Variants in PTPRG observed in about 807,000 individuals in gnomAD.
PTPRG encodes receptor-type tyrosine-protein phosphatase gamma.
Under a neutral mutation model 165.3 loss-of-function variants are expected in PTPRG, and 102 were observed. The observed-to-expected ratio is 0.62, with a 90% CI of 0.53 to 0.73. The LOEUF is 0.73. PTPRG is among the 30% of genes least tolerant of loss of function. The pLI is 0.00. For missense variants in PTPRG, 1,866 were observed against 1,861.4 expected (o/e 1.00, Z -0.05); for synonymous variants, 675 against 669.5 (o/e 1.01, Z -0.13).
chr3:61,962,039 C>G (rs886777197), intron 2 of PTPRG, among the ~76,000 whole-genome samples: 9 of 152,092 alleles, frequency 5.9e-5, no homozygotes, highest in African/African-American at 2.2e-4. Flanking sequence ...ATTTTTTTGT[C>G]TAGGGACTGC....
At position 62,228,489 on chromosome 3, in the gene PTPRG, G is replaced by T. The variant is rs1170249018; in HGVS notation, c.2289-2736G>T. ...AGATCACGCCATTGCACTCCAGCCTGGGCAACAGAGCAAAACTCCATCTCA... is the reference window on the plus strand; with the variant it reads ...AGATCACGCCATTGCACTCCAGCCTTGGCAACAGAGCAAAACTCCATCTCA... On this transcript the variant is annotated intron_variant, in intron 13 of 29. Transcript: ENST00000474889. This position sits in a 1 kb window ranked among gnomAD's most constrained non-coding sequence, Gnocchi z 4.1. Among the ~76,000 whole-genome samples, 3 of 150,956 alleles carry T rather than the reference G, an allele frequency of 2.0e-5. No homozygotes were observed. Among genetic ancestry groups the T allele is most frequent in the Non-Finnish European group, 4.4e-5 (3 of 67,834 alleles).
intron 1 of PTPRG, among the ~76,000 whole-genome samples, chr3:61,715,871 G>A (rs62244436): frequency 6.7e-6 from 1 of 149,540 alleles, no homozygotes; most frequent in Non-Finnish European, 1.5e-5. Flanking sequence ...TTTTTTTTTG[G>A]TCCTTAAATC....
intron 1 of PTPRG, among the ~76,000 whole-genome samples, chr3:61,617,640 C>T (rs1261470861): frequency 6.6e-6 from 1 of 152,192 alleles, no homozygotes; most frequent in Non-Finnish European, 1.5e-5. Context: ...TTTCAACCTC[C>T]CTCTTGCCTT....
At chr3:61,625,388 A>C (rs930427067) in intron 1 of PTPRG, among the ~76,000 whole-genome samples, 1 of 152,166 alleles carries the variant, frequency 6.6e-6, no homozygotes, top group East Asian at 1.9e-4. Context: ...CTGTTGTATA[A>C]ATGACTTTTA....
intron 1 of PTPRG, among the ~76,000 whole-genome samples, chr3:61,653,185 T>C (rs1257839276): frequency 1.3e-5 from 2 of 152,246 alleles, no homozygotes; most frequent in African/African-American, 2.4e-5. Context: ...GTTTTTTTTT[T>C]CTATACATAT....
intron 4 of PTPRG, among the ~76,000 whole-genome samples, chr3:62,009,409 G>A (rs188852152): frequency 2.0e-5 from 3 of 152,228 alleles, no homozygotes; most frequent in Admixed American, 6.5e-5. Context: ...TTCTGTGATC[G>A]ATTCTCCTTT....
chr3:61,991,056 C>T (rs1470301446), intron 3 of PTPRG, among the ~76,000 whole-genome samples: 1 of 152,172 alleles, frequency 6.6e-6, no homozygotes, highest in Non-Finnish European at 1.5e-5. Context: ...TCACTTAGCG[C>T]AGTGATTCCT....
At chr3:61,863,166 GT>G (rs1286625875) in intron 2 of PTPRG, among the ~76,000 whole-genome samples, 20 of 152,320 alleles carry the variant, frequency 1.3e-4, no homozygotes, top group Admixed American at 1.0e-3. Flanking sequence ...TGGGCTGCCA[GT>G]GCTTAGGGCC....
intron 1 of PTPRG, among the ~76,000 whole-genome samples, chr3:61,641,048 C>G (rs181160949): frequency 6.6e-6 from 1 of 152,180 alleles, no homozygotes; most frequent in Non-Finnish European, 1.5e-5. Flanking sequence ...AGGTTATCTT[C>G]TAACTACATG....
chr3:61,613,343 A>G (rs778675110), intron 1 of PTPRG, among the ~76,000 whole-genome samples: 41 of 152,198 alleles, frequency 2.7e-4, no homozygotes, highest in Non-Finnish European at 5.3e-4. Flanking sequence ...TAAGCAAAGC[A>G]TCAGGATTGC....
chr3:61,592,078 A>G (rs1312962798), intron 1 of PTPRG, among the ~76,000 whole-genome samples: 2 of 151,800 alleles, frequency 1.3e-5, no homozygotes, highest in African/African-American at 2.4e-5. Context: ...GGTTCGAGCA[A>G]TTCTCCTGCC....
At position 62,192,666 on chromosome 3, in the gene PTPRG, C is replaced by T. The variant is rs573567717; in HGVS notation, c.1218+1013C>T. Among the ~76,000 whole-genome samples, 8 of 152,216 alleles carry T rather than the reference C, an allele frequency of 5.3e-5. No individual in the cohort carries two copies. In the South Asian group the frequency reaches 1.7e-3, roughly 32 times the overall value. ...GACCTCATGATCCGCCCACCTCGGC[C>T]TCCCAAAGTGCTGGGATTACAGGCG... On this transcript the variant is annotated intron_variant, in intron 9 of 29. Transcript: ENST00000474889.
chr3:61,752,246 C>T (rs1208657018), intron 2 of PTPRG, among the ~76,000 whole-genome samples: 2 of 152,014 alleles, frequency 1.3e-5, no homozygotes, highest in Non-Finnish European at 2.9e-5. Flanking sequence ...GCAGACTATC[C>T]TCAAGTTCAG....
intron 2 of PTPRG, among the ~76,000 whole-genome samples, chr3:61,797,189 C>T (rs1575670988): frequency 6.6e-6 from 1 of 152,324 alleles, no homozygotes; most frequent in East Asian, 1.9e-4. Flanking sequence ...TTACTGTGTT[C>T]TAGCTCCCCT....
intron 4 of PTPRG, among the ~76,000 whole-genome samples, chr3:62,027,344 T>C (rs986088529): frequency 8.5e-5 from 13 of 152,072 alleles, no homozygotes; most frequent in African/African-American, 3.1e-4. Flanking sequence ...TGACCTCCAG[T>C]CCCTATACTT....
intron 1 of PTPRG, among the ~76,000 whole-genome samples, chr3:61,612,706 G>T (rs1006991570): frequency 1.3e-5 from 2 of 152,158 alleles, no homozygotes; most frequent in Non-Finnish European, 1.5e-5. Context: ...TCTTGGAATG[G>T]GCAGAGAGCA....
At chr3:61,709,572 C>T (rs141255447) in intron 1 of PTPRG, among the ~76,000 whole-genome samples, 220 of 152,276 alleles carry the variant, frequency 1.4e-3, no homozygotes, top group African/African-American at 4.9e-3. Context: ...TCCTTGGCCT[C>T]TGAAAGTGTT....
Position 62,219,558 on chromosome 3 carries a change from T to C in PTPRG, c.2288+575T>C, listed in dbSNP as rs1356040609. Among the ~76,000 whole-genome samples the C allele has an allele frequency of 6.6e-6, 1 of 152,220 alleles. No homozygotes were observed. The highest frequency in any genetic ancestry group is 1.5e-5 in the Non-Finnish European group (1 of 68,042). The stretch of plus-strand genomic sequence containing the variant: ...TCATGGGAAGCCAGGTTGCAGCCTC[T>C]GTTTAGAAGTTGTGTTTTTTCAGCC... On this transcript the variant is annotated intron_variant, in intron 13 of 29. Transcript: ENST00000474889. This position sits in a 1 kb window ranked among gnomAD's most constrained non-coding sequence, Gnocchi z 4.5.
At chr3:61,653,903 G>GGGTT (rs56696186) in intron 1 of PTPRG, among the ~76,000 whole-genome samples, 1 of 137,920 alleles carries the variant, frequency 7.3e-6, no homozygotes, top group Middle Eastern at 3.9e-3. Flanking sequence ...GAGCGGTGGG[G>GGGTT]GGCGCGGGGA....
Sources: gnomAD v4.1 joint callset for allele counts (sites outside exome capture counted in the v4.1 genomes callset) on GRCh38, gnomAD v4.1.1 for gene constraint, Gnocchi (gnomAD v3.1) non-coding constraint, MANE v1.5 for transcripts, NCBI Gene and HGNC (gene_info 2026-07-23, HGNC 2026-07-21) for gene names.